Variants in FYCO1 observed in about 807,000 individuals in gnomAD.
FYCO1 encodes FYVE and coiled-coil domain-containing protein 1.
Under a neutral mutation model 165.1 loss-of-function variants are expected in FYCO1, and 122 were observed. The observed-to-expected ratio is 0.74, with a 90% confidence interval of 0.64 to 0.86. FYCO1 has a LOEUF of 0.86. FYCO1 is among the 40% of genes least tolerant of loss of function. FYCO1 has a pLI of 0.00. For missense variants in FYCO1, 1,702 were observed against 1,810.3 expected (o/e 0.94, Z 1.09); for synonymous variants, 648 against 742.5 (o/e 0.87, Z 2.07).
chr3:45,977,384 TATATATATATATATATATATATAAAG>T (rs1706821680), intron 4 of FYCO1, among the ~76,000 whole-genome samples: 1 of 30,290 alleles, frequency 3.3e-5, no homozygotes, highest in African/African-American at 7.0e-5. Flanking sequence ...TATATATATA[TATATATATATATATATATATATAAAG>T]GGAACTATTT....
rs199850151 is a variant in FYCO1, at chr3:45,964,412, T to C, written c.3193A>G (p.Asn1065Asp). Residue 1065 changes from asparagine to aspartate, a missense_variant, in exon 10 of 18, where the codon AAC (asparagine) becomes GAC (aspartate). Asn to Asp is a conservative substitution (Grantham distance 23, BLOSUM62 1). Coordinates refer to ENST00000296137, the MANE Select transcript of FYCO1 (RefSeq NM_024513.4). This position sits in a 1 kb window ranked among gnomAD's most constrained non-coding sequence, Gnocchi z 4.1. Reference protein sequence around the residue: ...DMGEKLSCTSNHLAECQAAML... With the variant: ...DMGEKLSCTSDHLAECQAAML... ...GCCGCCTGGCACTCTGCAAGATGGTTGCTAGTGCAGCTCAGCTTCTCTCCC... is the reference window on the plus strand; with the variant it reads ...GCCGCCTGGCACTCTGCAAGATGGTCGCTAGTGCAGCTCAGCTTCTCTCCC... The C allele has an allele frequency of 6.2e-7, 1 of 1,614,104 alleles. No homozygotes were observed. The highest frequency in any genetic ancestry group is 8.5e-7 in the Non-Finnish European group (1 of 1,179,950).
At chr3:45,945,870 A>G (rs1704560822) in intron 14 of FYCO1, 1 of 152,360 alleles carries the variant, frequency 6.6e-6, no homozygotes, top group Non-Finnish European at 1.5e-5. Flanking sequence ...GAGGGGAAGT[A>G]AAGGCAGGAA....
At chr3:45,984,776 G>T in intron 2 of FYCO1, 80 bp downstream of exon 2, 1 of 1,438,420 alleles carries the variant, frequency 7.0e-7, no homozygotes, top group Non-Finnish European at 9.8e-7. Context: ...TGAAAGGGTT[G>T]AATTTCAACT....
rs1703000855 is a variant in FYCO1, at chr3:45,918,958, T to C, written c.*2807A>G. ...TAAGTGAATCTGACAGAGGTTGGCA[T>C]GTTCTTGAAGGTGGTGAGTGGCTTC... On this transcript the variant is annotated 3_prime_UTR_variant, in exon 18 of 18. Transcript: ENST00000296137. 6.6e-6 allele frequency: 1 copy of C among 152,082 alleles called. No individual in the cohort carries two copies. The highest frequency in any genetic ancestry group is 1.5e-5 in the Non-Finnish European group (1 of 68,036). 9.4% of individuals were successfully genotyped at this position (152,082 alleles called of 1,614,324 possible). A position where few individuals can be genotyped will look rare whatever the true frequency, so the allele number is the denominator to read the frequency against.
chr3:45,940,962 T>C (rs1575339056), intron 14 of FYCO1: 1 of 152,236 alleles, frequency 6.6e-6, no homozygotes, highest in South Asian at 2.1e-4. Flanking sequence ...TTCCTTCTCC[T>C]GCTCTCCTGC....
At chr3:45,982,198 A>C (rs997856480) in intron 2 of FYCO1, among the ~76,000 whole-genome samples, 1 of 152,178 alleles carries the variant, frequency 6.6e-6, no homozygotes, top group African/African-American at 2.4e-5. Context: ...CTGGGCCTTT[A>C]CATGTATTTT....
chr3:45,959,663 C>T (rs1335125366), intron 11 of FYCO1, 121 bp from the exon 12 acceptor site: 1 of 1,082,134 alleles, frequency 9.2e-7, no homozygotes, highest in Non-Finnish European at 1.4e-6. Context: ...AATTCACTTT[C>T]ACCTTGGAAA....
In FYCO1 at chr3:45,955,347, G is replaced by A; in HGVS notation, c.3846C>T (p.Ile1282=). ...YRPPDDAVFD[I]ITDEELCQIQ... is the part of the protein sequence containing the mutation. The stretch of plus-strand genomic sequence containing the variant: ...TCTGGCACAATTCCTCATCTGTGAT[G>A]ATATCAAACACAGCGTCGTCCGGTG... The change falls in exon 14 of 18, where the codon ATC becomes ATT. Residue 1282 remains isoleucine, a synonymous_variant. Coordinates refer to ENST00000296137, the MANE Select transcript of FYCO1 (RefSeq NM_024513.4). 3.7e-6 allele frequency: 6 copies of A among 1,614,192 alleles called. No individual in the cohort carries two copies. Among genetic ancestry groups the A allele is most frequent in the Non-Finnish European group, 5.1e-6 (6 of 1,180,012 alleles).
chr3:45,960,203 T>C (rs1251485090), intron 11 of FYCO1, among the ~76,000 whole-genome samples: 4 of 152,168 alleles, frequency 2.6e-5, no homozygotes, highest in Admixed American at 2.6e-4. Context: ...AATGAGCATG[T>C]TCAGGCTTGA....
chr3:45,959,380 G>A lies in FYCO1; in HGVS notation c.3587+13C>T, dbSNP rs747278255. ...CCAGGGTGTTGGTGCCAACCCACGA[G>A]CTCCCTGCTGACCTGCAGTGGTGCC... On this transcript the variant is annotated intron_variant, in intron 12 of 17. Transcript: ENST00000296137. The A allele has an allele frequency of 1.1e-5, 17 of 1,613,644 alleles. No homozygotes were observed. In the East Asian group the frequency reaches 3.3e-4, roughly 32 times the overall value.
At chr3:45,974,300 C>G (rs1706607550) in intron 5 of FYCO1, among the ~76,000 whole-genome samples, 1 of 152,110 alleles carries the variant, frequency 6.6e-6, no homozygotes, top group East Asian at 1.9e-4. Flanking sequence ...TTGAGCCCAG[C>G]AGCTTGAGGT....
chr3:45,969,097 C>T (rs1201636773), intron 7 of FYCO1, among the ~76,000 whole-genome samples: 1 of 152,220 alleles, frequency 6.6e-6, no homozygotes, highest in Non-Finnish European at 1.5e-5. Flanking sequence ...AAAGATTCAT[C>T]TATTTTCTAC....
intron 17 of FYCO1, among the ~76,000 whole-genome samples, chr3:45,923,402 C>A (rs761122655): frequency 7.2e-5 from 11 of 152,322 alleles, no homozygotes; most frequent in Middle Eastern, 6.8e-3. Flanking sequence ...TCCAGCTCCA[C>A]CACTGGCTCT....
intron 5 of FYCO1, among the ~76,000 whole-genome samples, chr3:45,974,778 G>A (rs1214575660): frequency 6.7e-6 from 1 of 148,760 alleles, no homozygotes; most frequent in African/African-American, 2.5e-5. Flanking sequence ...CCTGACCTGA[G>A]CTCTGCAGTG....
At chr3:45,972,967 G>C (rs1238739751) in intron 6 of FYCO1, 121 bp downstream of exon 6, 2 of 973,564 alleles carry the variant, frequency 2.1e-6, no homozygotes, top group Non-Finnish European at 3.2e-6. Context: ...TGGAATAAGA[G>C]TTGAACAGGT....
chr3:45,982,971 C>G (rs1707129089), intron 2 of FYCO1, among the ~76,000 whole-genome samples: 1 of 152,176 alleles, frequency 6.6e-6, no homozygotes, highest in Non-Finnish European at 1.5e-5. Flanking sequence ...ACACTCGCAA[C>G]CTGATCTGGG....
At chr3:45,940,796 C>T (rs927652307) in intron 14 of FYCO1, 3 of 152,238 alleles carry the variant, frequency 2.0e-5, no homozygotes, top group Non-Finnish European at 2.9e-5. Context: ...CAAATTCTTT[C>T]CTCCAAGGAG....
intron 5 of FYCO1, among the ~76,000 whole-genome samples, chr3:45,974,714 T>A (rs763932721): frequency 3.3e-5 from 5 of 152,212 alleles, no homozygotes; most frequent in Non-Finnish European, 7.3e-5. Flanking sequence ...CTCTCCTCCC[T>A]TCTCTCTTCC....
At chr3:45,953,590 G>C (rs575117881) in intron 14 of FYCO1, among the ~76,000 whole-genome samples, 2 of 152,282 alleles carry the variant, frequency 1.3e-5, no homozygotes, top group African/African-American at 4.8e-5. Context: ...AAATGAGAAG[G>C]CCAAGGGAGA....
Sources: gnomAD v4.1 joint callset for allele counts (sites outside exome capture counted in the v4.1 genomes callset) on GRCh38, gnomAD v4.1.1 for gene constraint, Gnocchi (gnomAD v3.1) non-coding constraint, MANE v1.5 for transcripts, NCBI Gene and HGNC (gene_info 2026-07-23, HGNC 2026-07-21) for gene names.